The following IFIH1 variants were observed in gnomAD, a reference collection of about 807,000 sequenced individuals.
The protein encoded by IFIH1 is interferon induced with helicase C domain 1.
Under a neutral mutation model 107.4 loss-of-function variants are expected in IFIH1, and 125 were observed. The ratio of observed to expected loss-of-function variants is 1.16; its 90% CI spans 1.01 to 1.35. The LOEUF (loss-of-function observed/expected upper bound fraction) is 1.35, where lower values mean the gene tolerates loss of function less well. Among genes scored for constraint, IFIH1 ranks in the 40% most tolerant of loss-of-function variants. IFIH1 has a pLI of 0.00. For missense variants in IFIH1, 1,333 were observed against 1,213.7 expected, an observed-to-expected ratio of 1.10 and a Z score of -1.46; for synonymous variants, 458 against 413.2, an observed-to-expected ratio of 1.11 and a Z score of -1.31.
intron 5 of IFIH1, among the ~76,000 whole-genome samples, chr2:162,282,777 G>T (rs992940663): frequency 6.6e-6 from 1 of 151,882 alleles, no homozygotes; most frequent in Non-Finnish European, 1.5e-5. Flanking sequence ...GGGCATTTAT[G>T]TCTGGGACAC....
Position 162,280,102 on chromosome 2 carries a change from T to C in IFIH1, c.1535A>G (p.Asn512Ser), listed in dbSNP as rs370753836. ...AGTTTTAATAGTAAATGCATCAAGA[T>C]TGGCACATAGCTGGAAAAGAGACAT... ...AEEHILKLCANLDAFTIKTVK... is the reference protein window; with the variant it reads ...AEEHILKLCASLDAFTIKTVK... The change falls in exon 8 of 16, where the codon AAT (asparagine) becomes AGT (serine). Residue 512 changes from asparagine to serine, a missense_variant. By Grantham distance (46) the Asn-to-Ser change is conservative. Coordinates refer to ENST00000649979, the MANE Select transcript of IFIH1 (RefSeq NM_022168.4). 3.9e-6 allele frequency: 6 copies of C among 1,548,842 alleles called. No homozygotes were observed. The highest frequency in any genetic ancestry group is 4.5e-6 in the Non-Finnish European group (5 of 1,123,316).
At chr2:162,289,073 T>G (rs1463109324) in intron 4 of IFIH1, among the ~76,000 whole-genome samples, 1 of 151,898 alleles carries the variant, frequency 6.6e-6, no homozygotes, top group African/African-American at 2.4e-5. Flanking sequence ...ATTGGTAGGT[T>G]TTCCTTGAAA....
At chr2:162,268,729 C>G (rs1452398801) in intron 13 of IFIH1, among the ~76,000 whole-genome samples, 1 of 151,952 alleles carries the variant, frequency 6.6e-6, no homozygotes, top group Non-Finnish European at 1.5e-5. Context: ...AGCTGGGATT[C>G]CAGGCACCTG....
In IFIH1 at chr2:162,314,396, CTCCT is replaced by C. The variant is rs759473999; in HGVS notation, c.453+3455_453+3458del. 5.8e-3 allele frequency among the ~76,000 whole-genome samples: 386 copies of C among 66,632 alleles called. 17 individuals carry two copies. The highest frequency in any genetic ancestry group is 0.012 in the African/African-American group (140 of 11,550). The allele number at this position is 66,632 out of a possible 152,430, so 43.7% of individuals were successfully genotyped here. On this transcript the variant is annotated intron_variant, in intron 1 of 15. Coordinates refer to ENST00000649979, the MANE Select transcript of IFIH1 (RefSeq NM_022168.4). ...CCTCCCTCCCTCCCTCCCTCCCTCC[CTCCT>C]TTCTTTCTTTCTTTCTTTTCTTTCT...
At chr2:162,286,080 C>T (rs753964048) in intron 5 of IFIH1, among the ~76,000 whole-genome samples, 6 of 151,820 alleles carry the variant, frequency 4.0e-5, no homozygotes, top group South Asian at 2.1e-4. Flanking sequence ...CTCTGGACAC[C>T]GCATTTAAGA....
At position 162,277,602 on chromosome 2, in the gene IFIH1, C is replaced by T; in HGVS notation, c.1857G>A (p.Met619Ile). Reference sequence around the variant, plus strand: ...TTTCAAGATGAGTATACGCATCTATCATTCGAATTGTGTCATTAATTTGTA... The same window carrying T: ...TTTCAAGATGAGTATACGCATCTATTATTCGAATTGTGTCATTAATTTGTA... Reference protein sequence around the residue: ...EALQINDTIRMIDAYTHLETF... With the variant: ...EALQINDTIRIIDAYTHLETF... Residue 619 changes from methionine to isoleucine, a missense_variant, in exon 10 of 16, where the codon ATG (methionine) becomes ATA (isoleucine). Transcript: ENST00000649979. 6.2e-7 allele frequency: 1 copy of T among 1,612,976 alleles called. No individual in the cohort carries two copies. Among genetic ancestry groups the T allele is most frequent in the South Asian group, 1.1e-5 (1 of 91,046 alleles).
rs1224063623 is a variant in IFIH1 at position 162,267,562 on chromosome 2, A to C, written c.2815T>G (p.Tyr939Asp). The C allele has an allele frequency of 4.4e-6, 7 of 1,602,192 alleles. No homozygotes were observed. Among genetic ancestry groups the C allele is most frequent in the Non-Finnish European group, 6.0e-6 (7 of 1,168,888 alleles). Residue 939 changes from tyrosine to aspartate, a missense_variant, in exon 15 of 16, where the codon TAC becomes GAC. By Grantham distance (160) the Tyr-to-Asp change is radical (BLOSUM62 -3). Transcript: ENST00000649979. The part of the protein sequence containing the change: ...VNMTPEFKEL[Y>D]IVRENKALQK... Reference sequence around the variant, plus strand: ...AGTGCTTTGTTTTCTCTTACAATGTAAAGTTCCCTATAAGTATCAAAGGGA... The same window carrying C: ...AGTGCTTTGTTTTCTCTTACAATGTCAAGTTCCCTATAAGTATCAAAGGGA...
At chr2:162,312,424 A>T (rs748964528) in intron 1 of IFIH1, among the ~76,000 whole-genome samples, 1 of 152,154 alleles carries the variant, frequency 6.6e-6, no homozygotes, top group African/African-American at 2.4e-5. Context: ...AGGCACAGAG[A>T]TGTTTAGGTA....
At chr2:162,293,045 G>A (rs1406219714) in intron 4 of IFIH1, among the ~76,000 whole-genome samples, 1 of 151,676 alleles carries the variant, frequency 6.6e-6, no homozygotes, top group Non-Finnish European at 1.5e-5. Context: ...GGAAAAACCT[G>A]GTAAAATTTT....
At chr2:162,303,119 CT>C (rs965924588) in intron 3 of IFIH1, among the ~76,000 whole-genome samples, 5 of 151,274 alleles carry the variant, frequency 3.3e-5, no homozygotes, top group Non-Finnish European at 7.4e-5. Flanking sequence ...GAAGTCATTT[CT>C]TTTTTTTTGA....
intron 4 of IFIH1, among the ~76,000 whole-genome samples, chr2:162,290,049 A>C (rs992986395): frequency 2.0e-5 from 3 of 151,926 alleles, no homozygotes; most frequent in Admixed American, 6.6e-5. Flanking sequence ...GAGCCAGTAT[A>C]TTTGCAAAGG....
intron 4 of IFIH1, 53 bp downstream of exon 4, chr2:162,293,511 A>C: frequency 9.0e-7 from 1 of 1,115,272 alleles, no homozygotes; most frequent in Non-Finnish European, 1.4e-6. Flanking sequence ...TGCTTCCACT[A>C]TATGGCGTCT....
At chr2:162,267,407 A>C (rs1469039309) in intron 15 of IFIH1, 28 bp from the exon 16 acceptor site, 5 of 1,613,750 alleles carry the variant, frequency 3.1e-6, no homozygotes, top group South Asian at 1.1e-5. Flanking sequence ...GAGCAAGAGG[A>C]AAATTAAATG....
At chr2:162,277,870 C>G (rs1057069202) in intron 9 of IFIH1, among the ~76,000 whole-genome samples, 177 bp from the exon 10 acceptor site, 4 of 152,120 alleles carry the variant, frequency 2.6e-5, no homozygotes, top group African/African-American at 9.7e-5. Flanking sequence ...TTTCCAACTC[C>G]TAGACTTGCT....
In IFIH1 at chr2:162,273,794, C is replaced by A. The variant is rs778780074; in HGVS notation, c.2454+1G>T. On this transcript the variant is annotated splice_donor_variant, in intron 12 of 15. Transcript: ENST00000649979. LOFTEE classifies it high-confidence loss of function. ...TAGTAAGTAGAGGTATTTGAATGTA[C>A]CTGGACCATGGCTATTTCATTGGTG... 2.5e-6 allele frequency: 4 copies of A among 1,577,548 alleles called. No individual in the cohort carries two copies. Among genetic ancestry groups the A allele is most frequent in the Non-Finnish European group, 3.4e-6 (4 of 1,163,326 alleles).
intron 3 of IFIH1, among the ~76,000 whole-genome samples, chr2:162,296,276 A>C (rs2105216862): frequency 6.6e-6 from 1 of 152,222 alleles, no homozygotes; most frequent in South Asian, 2.1e-4. Flanking sequence ...GTTGCTACCC[A>C]AAATAGGGTA....
intron 3 of IFIH1, among the ~76,000 whole-genome samples, chr2:162,301,113 T>G (rs1683186816): frequency 6.6e-6 from 1 of 152,146 alleles, no homozygotes. Context: ...AAGCATAATG[T>G]CACCGGATAA....
At chr2:162,298,183 A>G (rs1683128267) in intron 3 of IFIH1, among the ~76,000 whole-genome samples, 1 of 152,192 alleles carries the variant, frequency 6.6e-6, no homozygotes, top group South Asian at 2.1e-4. Context: ...TTATTCAAAG[A>G]GCTAAGCTCC....
At chr2:162,282,646 C>T (rs772186489) in intron 5 of IFIH1, 70 bp from the exon 6 acceptor site, 66 of 954,592 alleles carry the variant, frequency 6.9e-5, no homozygotes, top group Non-Finnish European at 1.0e-4. Context: ...TGATCAAAGG[C>T]CTGTTTGGCA....
Sources: gnomAD v4.1 joint callset for allele counts (sites outside exome capture counted in the v4.1 genomes callset) on GRCh38, gnomAD v4.1.1 for gene constraint, MANE v1.5 for transcripts, NCBI Gene and HGNC (gene_info 2026-07-23, HGNC 2026-07-21) for gene names.